Variants in TMEM131L observed in about 807,000 individuals in gnomAD.
The protein encoded by TMEM131L is transmembrane protein 131-like.
A neutral mutation model predicts 192.2 loss-of-function variants in TMEM131L; 54 were observed. The observed-to-expected ratio is 0.28, with a 90% confidence interval of 0.23 to 0.35. TMEM131L has a LOEUF of 0.35. TMEM131L is among the 10% of genes least tolerant of loss of function. TMEM131L has a pLI of 1.00. For missense variants in TMEM131L, 1,888 were observed against 1,972.9 expected, an observed-to-expected ratio of 0.96 and a Z score of 0.82; for synonymous variants, 701 against 704.9, an observed-to-expected ratio of 0.99 and a Z score of 0.09.
chr4:153,481,370 A>G (rs948030738), intron 3 of TMEM131L, among the ~76,000 whole-genome samples: 3 of 152,158 alleles, frequency 2.0e-5, no homozygotes, highest in Non-Finnish European at 2.9e-5. Context: ...AGGGCTGACA[A>G]CTGGGTGAAG....
At chr4:153,605,779 A>G (rs1009608850) in intron 25 of TMEM131L, among the ~76,000 whole-genome samples, 4 of 152,348 alleles carry the variant, frequency 2.6e-5, no homozygotes, top group African/African-American at 9.6e-5. Context: ...CAGAAATATT[A>G]TGGATTGACT....
intron 4 of TMEM131L, among the ~76,000 whole-genome samples, chr4:153,551,587 C>T (rs1737626059): frequency 6.6e-6 from 1 of 152,016 alleles, no homozygotes; most frequent in Non-Finnish European, 1.5e-5. Context: ...AACTCCTGAC[C>T]TCAAGTGATA....
intron 7 of TMEM131L, among the ~76,000 whole-genome samples, chr4:153,576,800 T>C (rs1248268339): frequency 1.3e-5 from 2 of 152,198 alleles, no homozygotes; most frequent in African/African-American, 4.8e-5. Flanking sequence ...TCTTTTATTT[T>C]GTAGGCACCG....
intron 32 of TMEM131L, chr4:153,633,118 GA>G (rs555314056): frequency 6.4e-5 from 17 of 264,722 alleles, no homozygotes; most frequent in East Asian, 1.7e-4. Flanking sequence ...AGGCAGATTT[GA>G]AAAAAAAACA....
At chr4:153,533,060 C>T (rs1561165892) in intron 3 of TMEM131L, among the ~76,000 whole-genome samples, 1 of 149,908 alleles carries the variant, frequency 6.7e-6, no homozygotes, top group Non-Finnish European at 1.5e-5. Flanking sequence ...GATCTTGGCT[C>T]ACCACAACCT....
At position 153,581,432 on chromosome 4, in the gene TMEM131L, T is replaced by A. The variant is rs772719885; in HGVS notation, c.764T>A (p.Val255Asp). ...LKGCYLESDD[V>D]LRLQMSIMVT... ...GGTTGTTATCTGGAATCTGATGATGTTTTGCGTCTACAAATGAGCATAATG... is the reference window on the plus strand; with the variant it reads ...GGTTGTTATCTGGAATCTGATGATGATTTGCGTCTACAAATGAGCATAATG... Residue 255 changes from valine (V) to aspartate (D), a missense_variant, in exon 9 of 35, where the codon GTT (valine) becomes GAT (aspartate). By Grantham distance (152) the Val-to-Asp change is radical (BLOSUM62 -3). Coordinates refer to ENST00000409959, the MANE Select transcript of TMEM131L (RefSeq NM_001131007.2). The A allele has an allele frequency of 8.9e-6, 14 of 1,581,622 alleles. No individual in the cohort carries two copies. The East Asian group carries it at 1.8e-4, about 21-fold the overall frequency.
chr4:153,505,464 G>A (rs929681319), intron 3 of TMEM131L, among the ~76,000 whole-genome samples: 1 of 152,128 alleles, frequency 6.6e-6, no homozygotes, highest in African/African-American at 2.4e-5. Context: ...CCACTTTGAT[G>A]ACCTCATTTT....
chr4:153,559,838 C>T (rs765169909), intron 7 of TMEM131L, among the ~76,000 whole-genome samples: 33 of 152,210 alleles, frequency 2.2e-4, no homozygotes, highest in East Asian at 3.9e-4. Flanking sequence ...AACCAAATCC[C>T]GCTTATGGCT....
chr4:153,489,695 C>T (rs757398325), intron 3 of TMEM131L, among the ~76,000 whole-genome samples: 20 of 152,076 alleles, frequency 1.3e-4, no homozygotes, highest in Non-Finnish European at 2.5e-4. Flanking sequence ...TCAGGCTGGT[C>T]TCAAACTCCT....
At chr4:153,533,846 A>G (rs1367333776) in intron 3 of TMEM131L, among the ~76,000 whole-genome samples, 1 of 152,174 alleles carries the variant, frequency 6.6e-6, no homozygotes, top group Non-Finnish European at 1.5e-5. Flanking sequence ...AATTTAGCAA[A>G]TCACTAAATG....
At chr4:153,599,506 C>T (rs1293031210) in intron 21 of TMEM131L, among the ~76,000 whole-genome samples, 4 of 152,180 alleles carry the variant, frequency 2.6e-5, no homozygotes, top group African/African-American at 4.8e-5. Flanking sequence ...CAGCAAGACC[C>T]CTTCTCTAAA....
chr4:153,494,510 A>G (rs956348640), intron 3 of TMEM131L, among the ~76,000 whole-genome samples: 14 of 152,312 alleles, frequency 9.2e-5, no homozygotes, highest in Middle Eastern at 3.4e-3. Flanking sequence ...ATTATGCCAT[A>G]AGGTACATTA....
At chr4:153,530,979 A>G (rs570489016) in intron 3 of TMEM131L, among the ~76,000 whole-genome samples, 6 of 152,328 alleles carry the variant, frequency 3.9e-5, no homozygotes, top group African/African-American at 1.2e-4. Flanking sequence ...CTTTCTGCTT[A>G]AAATAGCTAG....
rs1733429467 is a variant in TMEM131L, at chr4:153,621,784, C to G, written c.3794C>G (p.Thr1265Ser). The G allele has an allele frequency of 6.2e-7, 1 of 1,614,144 alleles. No individual in the cohort carries two copies. The highest frequency in any genetic ancestry group is 8.5e-7 in the Non-Finnish European group (1 of 1,180,030). Residue 1265 changes from threonine (T) to serine (S), a missense_variant, in exon 28 of 35, where the codon ACT becomes AGT. By Grantham distance (58) the Thr-to-Ser change is moderately conservative. Coordinates refer to ENST00000409959, the MANE Select transcript of TMEM131L (RefSeq NM_001131007.2). The stretch of plus-strand genomic sequence containing the variant: ...AGAAGCTGGTGTATACAGGAAAGCA[C>G]TAGGGAGGTTTGTAAAGCAGATGCC... ...NVRSWCIQES[T>S]REVCKADAEI...
chr4:153,581,479 A>AAAGAATTTGAAGAAATTG lies in TMEM131L; in HGVS notation c.826_827insTTGAAGAATTTGAAGAAA (p.Glu275_Asn276insIleGluGluPheGluGlu). 1 of 1,601,664 alleles carries AAAGAATTTGAAGAAATTG rather than the reference A, an allele frequency of 6.2e-7. No individual in the cohort carries two copies. The highest frequency in any genetic ancestry group is 8.5e-7 in the Non-Finnish European group (1 of 1,172,804). On this transcript the variant is annotated inframe_insertion, in exon 9 of 35. Coordinates refer to ENST00000409959, the MANE Select transcript of TMEM131L (RefSeq NM_001131007.2). The stretch of plus-strand genomic sequence containing the variant: ...AATGGTAACAATGGAAAACTTTTCA[A>AAAGAATTTGAAGAAATTG]AAGAATTTGAAGAAAACACACAACA...
At chr4:153,556,006 T>G in intron 5 of TMEM131L, 96 bp downstream of exon 5, 1 of 1,239,114 alleles carries the variant, frequency 8.1e-7, no homozygotes, top group Middle Eastern at 2.7e-4. Context: ...GCTCCCTGTC[T>G]CCCGCTTTTT....
intron 19 of TMEM131L, among the ~76,000 whole-genome samples, chr4:153,594,305 C>T (rs371027952): frequency 6.9e-4 from 105 of 152,216 alleles, no homozygotes; most frequent in African/African-American, 2.4e-3. Flanking sequence ...TGATGTTTAC[C>T]TTATCTATAA....
rs138414111 is a variant in TMEM131L at position 153,532,942 on chromosome 4, T to G, written c.240-17131T>G. 5.3e-3 allele frequency among the ~76,000 whole-genome samples: 805 copies of G among 152,066 alleles called. 6 individuals are homozygous for G. The highest frequency in any genetic ancestry group is 0.01 in the Non-Finnish European group (683 of 67,962). ...CCTGGAAGAAGCAGGGGTATTAGCT[T>G]CAGGCACAGGTGGATTTAGGGATTC... is the stretch of plus-strand genomic sequence containing the variant. On this transcript the variant is annotated intron_variant, in intron 3 of 34. Transcript: ENST00000409959.
intron 3 of TMEM131L, among the ~76,000 whole-genome samples, chr4:153,494,554 A>AT (rs1481318747): frequency 6.6e-6 from 1 of 152,206 alleles, no homozygotes; most frequent in African/African-American, 2.4e-5. Flanking sequence ...GGAAACTCAC[A>AT]ATAAGGGGAA....
Sources: allele counts gnomAD v4.1 joint callset (sites outside exome capture counted in the v4.1 genomes callset), GRCh38; gene constraint gnomAD v4.1.1; transcripts MANE v1.5; gene names NCBI Gene and HGNC (gene_info 2026-07-23, HGNC 2026-07-21).